The following PDE6A variants were observed in gnomAD, a reference collection of about 807,000 sequenced individuals.
PDE6A encodes rod cGMP-specific 3',5'-cyclic phosphodiesterase subunit alpha.
PDE6A carries 84 observed loss-of-function variants against 106.3 expected under a neutral mutation model. The ratio of observed to expected loss-of-function variants is 0.79; its 90% CI spans 0.66 to 0.95. The LOEUF (loss-of-function observed/expected upper bound fraction) is 0.95, where lower values mean the gene tolerates loss of function less well. Ranked by LOEUF, PDE6A falls within the 40% of genes least tolerant of loss-of-function variation. The probability of loss-of-function intolerance (pLI) is 0.00; values close to 1 mark genes in which losing one functional copy is unlikely to be tolerated. For missense variants in PDE6A, 1,052 were observed against 1,084.9 expected (o/e 0.97, Z 0.43); for synonymous variants, 394 against 386.6 (o/e 1.02, Z -0.23).
intron 9 of PDE6A, among the ~76,000 whole-genome samples, chr5:149,899,003 AC>A (rs1299716839): frequency 6.6e-6 from 1 of 152,136 alleles, no homozygotes; most frequent in African/African-American, 2.4e-5. Flanking sequence ...AACTAGGACC[AC>A]AGATATGCGC....
chr5:149,896,132 T>A (rs1752741227), intron 12 of PDE6A, among the ~76,000 whole-genome samples: 1 of 152,178 alleles, frequency 6.6e-6, no homozygotes, highest in Admixed American at 6.5e-5. Flanking sequence ...CAGAACCCAC[T>A]GCAAGAAACC....
At chr5:149,922,957 T>C (rs1753763486) in intron 4 of PDE6A, among the ~76,000 whole-genome samples, 1 of 152,204 alleles carries the variant, frequency 6.6e-6, no homozygotes, top group Non-Finnish European at 1.5e-5. Flanking sequence ...TAGGAGTATA[T>C]TACTGTAACA....
intron 1 of PDE6A, among the ~76,000 whole-genome samples, chr5:149,937,714 A>C (rs1289087695): frequency 6.6e-6 from 1 of 152,140 alleles, no homozygotes; most frequent in Non-Finnish European, 1.5e-5. Context: ...ACTACTTCTC[A>C]TTCCCAGATT....
rs961832254 is a variant in PDE6A, at chr5:149,859,213, C to T, written c.*1682G>A. The T allele has an allele frequency of 6.6e-6, 1 of 152,210 alleles. No individual in the cohort carries two copies. Among genetic ancestry groups the T allele is most frequent in the African/African-American group, 2.4e-5 (1 of 41,458 alleles). 9.4% of individuals were successfully genotyped at this position (152,210 alleles called of 1,614,324 possible). A position where few individuals can be genotyped will look rare whatever the true frequency, so the allele number is the denominator to read the frequency against. On this transcript the variant is annotated 3_prime_UTR_variant, in exon 22 of 22. Transcript: ENST00000255266. Reference sequence around the variant, plus strand: ...AGAATAATCTGACTTAATTTATACTCTGTGAAATCAATGAAAAATCCAAGA... The same window carrying T: ...AGAATAATCTGACTTAATTTATACTTTGTGAAATCAATGAAAAATCCAAGA...
chr5:149,867,611 G>C, intron 19 of PDE6A, 114 bp downstream of exon 19: 1 of 940,910 alleles, frequency 1.1e-6, no homozygotes, highest in Non-Finnish European at 1.7e-6. Context: ...ACTGCATTAG[G>C]AAAAGGTCAT....
At chr5:149,926,258 T>TA (rs891062566) in intron 4 of PDE6A, among the ~76,000 whole-genome samples, 1 of 151,566 alleles carries the variant, frequency 6.6e-6, no homozygotes, top group South Asian at 2.1e-4. Flanking sequence ...AAAAATTAAT[T>TA]AAAAAAAACA....
chr5:149,869,698 C>T (rs946573334), intron 17 of PDE6A, among the ~76,000 whole-genome samples: 1 of 152,078 alleles, frequency 6.6e-6, no homozygotes, highest in Non-Finnish European at 1.5e-5. Context: ...AGGAAGGCAG[C>T]TGGCAGGACT....
chr5:149,866,026 G>C, intron 20 of PDE6A, 144 bp downstream of exon 20: 2 of 689,618 alleles, frequency 2.9e-6, no homozygotes, highest in South Asian at 1.5e-5. Flanking sequence ...GCTGTCCTGA[G>C]AATCGAATGC....
chr5:149,867,840 C>T lies in PDE6A; in HGVS notation c.2200-41G>A, dbSNP rs371263362. ...CCTCACACACGCAGAGTCAGAGCCC[C>T]AGCCCAATCCCCTACCCCTGCTCCC... On this transcript the variant is annotated intron_variant, in intron 18 of 21. Transcript: ENST00000255266. 7 of 1,578,110 alleles carry T rather than the reference C, an allele frequency of 4.4e-6. No individual in the cohort carries two copies. The African/African-American group carries it at 5.4e-5, about 12-fold the overall frequency.
chr5:149,906,010 A>G (rs1370078329), intron 7 of PDE6A, among the ~76,000 whole-genome samples: 1 of 151,994 alleles, frequency 6.6e-6, no homozygotes, highest in Non-Finnish European at 1.5e-5. Context: ...GGCTTGCACC[A>G]CCATGCCTGG....
At chr5:149,876,724 T>C (rs541678536) in intron 17 of PDE6A, among the ~76,000 whole-genome samples, 3 of 152,340 alleles carry the variant, frequency 2.0e-5, no homozygotes, top group Admixed American at 6.5e-5. Flanking sequence ...CAGGCTGGTC[T>C]TGAACCTCTG....
chr5:149,924,946 C>T, intron 4 of PDE6A, among the ~76,000 whole-genome samples: 1 of 152,168 alleles, frequency 6.6e-6, no homozygotes, highest in East Asian at 1.9e-4. Flanking sequence ...ACACCCTAGG[C>T]TGGGATCCTC....
intron 6 of PDE6A, among the ~76,000 whole-genome samples, chr5:149,912,791 GA>G (rs1181671489): frequency 6.6e-6 from 1 of 152,242 alleles, no homozygotes; most frequent in African/African-American, 2.4e-5. Context: ...TATCTTGGCT[GA>G]AACAAAGATT....
intron 17 of PDE6A, among the ~76,000 whole-genome samples, chr5:149,871,338 CA>C (rs1760543356): frequency 6.6e-6 from 1 of 152,128 alleles, no homozygotes; most frequent in South Asian, 2.1e-4. Context: ...CCCACACATG[CA>C]GGTTAACATG....
intron 19 of PDE6A, 121 bp downstream of exon 19, chr5:149,867,604 G>T: frequency 1.1e-6 from 1 of 871,730 alleles, no homozygotes; most frequent in Non-Finnish European, 1.9e-6. Flanking sequence ...TAGAACCACT[G>T]CATTAGGAAA....
At chr5:149,866,959 G>A (rs1223770148) in intron 19 of PDE6A, 1 of 154,194 alleles carries the variant, frequency 6.5e-6, no homozygotes, top group African/African-American at 2.4e-5. Context: ...CAAAGAGAGA[G>A]TGAGAACGAC....
In PDE6A at chr5:149,934,020, C is replaced by G. The variant is rs753687039; in HGVS notation, c.628-1G>C. On this transcript the variant is annotated splice_acceptor_variant, in intron 2 of 21. Coordinates refer to ENST00000255266, the MANE Select transcript of PDE6A (RefSeq NM_000440.3). LOFTEE classifies it high-confidence loss of function. ...CAAAATTGAGGTACTTGAGAAGAAT[C>G]TAAAAATCAAACAGCATGAGGGGAG... The G allele has an allele frequency of 6.3e-7, 1 of 1,590,492 alleles. No homozygotes were observed. The highest frequency in any genetic ancestry group is 8.6e-7 in the Non-Finnish European group (1 of 1,158,978).
At chr5:149,928,208 G>GAGATATATATATATATATATAT in intron 4 of PDE6A, among the ~76,000 whole-genome samples, 1 of 57,732 alleles carries the variant, frequency 1.7e-5, no homozygotes, top group East Asian at 3.3e-4. Context: ...AATTGTATGT[G>GAGATATATATATATATATATAT]CTATATATAT....
At position 149,887,687 on chromosome 5, in the gene PDE6A, G is replaced by A. The variant is rs190619342; in HGVS notation, c.1729-1313C>T. Among the ~76,000 whole-genome samples the A allele has an allele frequency of 7.2e-5, 11 of 152,048 alleles. No homozygotes were observed. In the East Asian group the frequency reaches 1.9e-3, roughly 27 times the overall value. Reference sequence around the variant, plus strand: ...ACCACCTGACCACAAGGCAGACAAAGGCCCAACTAAAGAAACATTCCTATC... The same window carrying A: ...ACCACCTGACCACAAGGCAGACAAAAGCCCAACTAAAGAAACATTCCTATC... On this transcript the variant is annotated intron_variant, in intron 13 of 21. Transcript: ENST00000255266.
Sources: gnomAD v4.1 joint callset for allele counts (sites outside exome capture counted in the v4.1 genomes callset) on GRCh38, gnomAD v4.1.1 for gene constraint, MANE v1.5 for transcripts, NCBI Gene and HGNC (gene_info 2026-07-23, HGNC 2026-07-21) for gene names.